CSPP1: variants seen among roughly 807,000 people sequenced by gnomAD.
CSPP1 encodes the protein centrosome and spindle pole-associated protein 1.
A neutral mutation model predicts 164.4 loss-of-function variants in CSPP1; 126 were observed. That is an observed-to-expected ratio of 0.77 (90% CI 0.66 to 0.89). CSPP1 has a LOEUF of 0.89. CSPP1 is among the 40% of genes least tolerant of loss of function. The pLI, the probability that CSPP1 is intolerant of heterozygous loss-of-function variation, is 0.00. For synonymous variants in CSPP1, 472 were observed against 476.7 expected (o/e 0.99, Z 0.13); for missense variants, 1,395 against 1,449.8 (o/e 0.96, Z 0.61).
chr8:67,115,660 G>C (rs542168361), intron 12 of CSPP1, among the ~76,000 whole-genome samples: 1 of 152,212 alleles, frequency 6.6e-6, no homozygotes, highest in East Asian at 1.9e-4. Context: ...GACACAGTGA[G>C]ACTCTGCCTC....
chr8:67,181,894 T>G (rs1833146143), intron 28 of CSPP1, among the ~76,000 whole-genome samples: 1 of 152,220 alleles, frequency 6.6e-6, no homozygotes, highest in Non-Finnish European at 1.5e-5. Flanking sequence ...TTGACTACTC[T>G]AGGACCTCAT....
chr8:67,124,493 T>G (rs951663707), intron 15 of CSPP1, among the ~76,000 whole-genome samples: 1 of 152,206 alleles, frequency 6.6e-6, no homozygotes, highest in African/African-American at 2.4e-5. Context: ...GCAATTGTCT[T>G]TTATTTATTT....
intron 13 of CSPP1, among the ~76,000 whole-genome samples, chr8:67,117,466 T>G (rs1818168582): frequency 6.6e-6 from 1 of 152,218 alleles, no homozygotes; most frequent in African/African-American, 2.4e-5. Flanking sequence ...CCATTTTTAC[T>G]ACTGAAAAAT....
At chr8:67,104,171 G>A (rs946614498) in intron 8 of CSPP1, among the ~76,000 whole-genome samples, 1 of 151,514 alleles carries the variant, frequency 6.6e-6, no homozygotes, top group Non-Finnish European at 1.5e-5. Flanking sequence ...TATAAACACT[G>A]CTTGCAATAA....
chr8:67,071,282 A>G (rs1452703009), intron 1 of CSPP1, among the ~76,000 whole-genome samples: 1 of 151,276 alleles, frequency 6.6e-6, no homozygotes, highest in Non-Finnish European at 1.5e-5. Context: ...TACCAGTTCT[A>G]TTTTGTACCT....
intron 9 of CSPP1, among the ~76,000 whole-genome samples, chr8:67,106,511 T>G (rs1417179862): frequency 6.6e-6 from 1 of 152,198 alleles, no homozygotes; most frequent in Admixed American, 6.5e-5. Flanking sequence ...AAATTAAACC[T>G]TTCTTTCCTT....
intron 13 of CSPP1, among the ~76,000 whole-genome samples, chr8:67,116,714 G>T (rs901749004): frequency 6.6e-6 from 1 of 152,226 alleles, no homozygotes; most frequent in Admixed American, 6.5e-5. Flanking sequence ...AAATCCTGTT[G>T]TTAACACTGA....
At chr8:67,115,847 T>C in intron 12 of CSPP1, 67 bp from the exon 13 acceptor site, 4 of 1,241,846 alleles carry the variant, frequency 3.2e-6, no homozygotes, top group South Asian at 2.5e-5. Context: ...AGGAGGTCTT[T>C]TGAGGTCCCT....
At chr8:67,102,946 A>G in intron 7 of CSPP1, 91 bp from the exon 8 acceptor site, 1 of 663,436 alleles carries the variant, frequency 1.5e-6, no homozygotes, top group South Asian at 2.1e-5. Context: ...GTTCCTTTTA[A>G]TGTTGCCAAC....
intron 4 of CSPP1, among the ~76,000 whole-genome samples, chr8:67,087,564 G>C (rs887958909): frequency 6.6e-6 from 1 of 152,180 alleles, no homozygotes; most frequent in Admixed American, 6.5e-5. Flanking sequence ...GTGATCTGGA[G>C]AGAGAATCGA....
intron 3 of CSPP1, among the ~76,000 whole-genome samples, chr8:67,077,659 G>A (rs1431812875): frequency 1.3e-5 from 2 of 152,194 alleles, no homozygotes; most frequent in African/African-American, 4.8e-5. Context: ...TTTTCAATGT[G>A]CATTTTGTGA....
chr8:67,132,080 G>T lies in CSPP1; in HGVS notation c.1827G>T (p.Gln609His). The T allele has an allele frequency of 6.2e-7, 1 of 1,611,558 alleles. No homozygotes were observed. The highest frequency in any genetic ancestry group is 8.5e-7 in the Non-Finnish European group (1 of 1,178,808). The change falls in exon 16 of 31, where the codon CAG becomes CAT. Residue 609 changes from glutamine to histidine, a missense_variant and splice_region_variant. Physicochemically the swap from Gln to His is conservative, Grantham distance 24. Transcript: ENST00000678616. The part of the protein sequence containing the change: ...LQSYQEALQQ[Q>H]IREREERRKK... ...CTTACCAAGAGGCTTTGCAGCAGCA[G>T]GTATTGATTCATTTACTCATTTACT...
At position 67,064,478 on chromosome 8, in the gene CSPP1, C is replaced by A; in HGVS notation, c.-71C>A. 1 of 1,613,914 alleles carries A rather than the reference C, an allele frequency of 6.2e-7. No individual in the cohort carries two copies. The highest frequency in any genetic ancestry group is 1.1e-5 in the South Asian group (1 of 91,072). On this transcript the variant is annotated 5_prime_UTR_variant, in exon 1 of 31. Transcript: ENST00000678616. ...CTAGAGCACTGTGTGTCTCCCCGGACGCGAGCCCGCTCCCCTGAGTAAGAG... is the reference window on the plus strand; with the variant it reads ...CTAGAGCACTGTGTGTCTCCCCGGAAGCGAGCCCGCTCCCCTGAGTAAGAG...
chr8:67,088,367 A>T (rs1810863256), intron 4 of CSPP1, among the ~76,000 whole-genome samples: 1 of 151,668 alleles, frequency 6.6e-6, no homozygotes. Flanking sequence ...GGCTGACTGT[A>T]ATCTCAGCCT....
At chr8:67,171,268 G>T (rs975756482) in intron 24 of CSPP1, among the ~76,000 whole-genome samples, 1 of 151,424 alleles carries the variant, frequency 6.6e-6, no homozygotes, top group Non-Finnish European at 1.5e-5. Context: ...GGGCCTAGTG[G>T]TGCACGCCTG....
chr8:67,133,384 A>G (rs1459890943), intron 16 of CSPP1, among the ~76,000 whole-genome samples: 1 of 152,252 alleles, frequency 6.6e-6, no homozygotes, highest in East Asian at 1.9e-4. Context: ...ACAGCAATAA[A>G]GCAAATATCA....
chr8:67,079,387 C>T (rs993734747), intron 3 of CSPP1, among the ~76,000 whole-genome samples: 1 of 152,138 alleles, frequency 6.6e-6, no homozygotes, highest in Non-Finnish European at 1.5e-5. Context: ...CCTAGTCATC[C>T]TTGATTCCTG....
At chr8:67,085,272 A>G (rs1228957982) in intron 3 of CSPP1, among the ~76,000 whole-genome samples, 6 of 152,076 alleles carry the variant, frequency 3.9e-5, no homozygotes, top group African/African-American at 1.2e-4. Context: ...TTTTACCACA[A>G]TAAAAATTAA....
At chr8:67,106,776 A>G (rs943094570) in intron 9 of CSPP1, among the ~76,000 whole-genome samples, 3 of 152,324 alleles carry the variant, frequency 2.0e-5, no homozygotes, top group South Asian at 2.1e-4. Context: ...TTAGTAAAGT[A>G]TATGAAGAAA....
Sources: allele counts gnomAD v4.1 joint callset (sites outside exome capture counted in the v4.1 genomes callset), GRCh38; gene constraint gnomAD v4.1.1; transcripts MANE v1.5; gene names NCBI Gene and HGNC (gene_info 2026-07-23, HGNC 2026-07-21).